Variants in SPATA31H1 observed in about 807,000 individuals in gnomAD.
The protein encoded by SPATA31H1 is SPATA31 subfamily H member 1, also known as spermatogenesis-associated protein 31H1.
At chr2:27,553,697 A>C in the SPATA31H1 span, among the ~76,000 whole-genome samples, 1 of 151,792 alleles carries the variant, frequency 6.6e-6, no homozygotes, top group African/African-American at 2.4e-5. Flanking sequence ...TGAGGCAGGC[A>C]GATCACCTGA....
chr2:27,563,385 C>CTTTTTTTTTTTTTTTTTTT, the SPATA31H1 span, among the ~76,000 whole-genome samples: 1 of 68,720 alleles, frequency 1.5e-5, no homozygotes, highest in African/African-American at 5.9e-5. Context: ...TCTTCTACTT[C>CTTTTTTTTTTTTTTTTTTT]TTTTTTTTTT....
At chr2:27,579,213 A>T in the SPATA31H1 span, 1 of 1,614,192 alleles carries the variant, frequency 6.2e-7, no homozygotes, top group South Asian at 1.1e-5. Flanking sequence ...TCATGCCTGG[A>T]GGCAGCGACT....
At chr2:27,578,815 C>T in the SPATA31H1 span, 11 of 1,614,116 alleles carry the variant, frequency 6.8e-6, no homozygotes, top group Non-Finnish European at 9.3e-6. Flanking sequence ...AGAACAGCAT[C>T]TGAATTAGGA....
the SPATA31H1 span, chr2:27,582,640 G>T: frequency 8.9e-7 from 1 of 1,117,326 alleles, no homozygotes; most frequent in Non-Finnish European, 1.3e-6. Context: ...GCGTGGAAAG[G>T]CTTCCATTTC....
the SPATA31H1 span, chr2:27,574,051 C>T: frequency 7.5e-6 from 3 of 398,216 alleles, no homozygotes; most frequent in African/African-American, 4.1e-5. Context: ...AAAGATATCC[C>T]ATATTATGAT....
the SPATA31H1 span, chr2:27,580,276 G>A: frequency 1.9e-6 from 3 of 1,614,156 alleles, no homozygotes; most frequent in Non-Finnish European, 2.5e-6. Flanking sequence ...ATCAGGCGAG[G>A]ACAACGCAGC....
the SPATA31H1 span, among the ~76,000 whole-genome samples, chr2:27,552,440 A>T: frequency 6.6e-6 from 1 of 152,000 alleles, no homozygotes; most frequent in Admixed American, 6.6e-5. Context: ...ATTTGATTTC[A>T]TAGATCTATA....
the SPATA31H1 span, among the ~76,000 whole-genome samples, chr2:27,560,804 A>AG: frequency 6.6e-6 from 1 of 152,180 alleles, no homozygotes; most frequent in Admixed American, 6.5e-5. Flanking sequence ...ACCATCAATC[A>AG]GTCCAGGACC....
the SPATA31H1 span, among the ~76,000 whole-genome samples, chr2:27,550,485 C>A: frequency 7.5e-6 from 1 of 133,416 alleles, no homozygotes; most frequent in Non-Finnish European, 1.5e-5. Flanking sequence ...GTGGTGCAAT[C>A]TCTGCTCACT....
At chr2:27,565,440 C>G in the SPATA31H1 span, 1 of 716,800 alleles carries the variant, frequency 1.4e-6, no homozygotes, top group South Asian at 1.5e-5. Flanking sequence ...AATTGTGGGT[C>G]AGCCTTATGA....
chr2:27,541,421 G>A, the SPATA31H1 span, among the ~76,000 whole-genome samples: 1 of 151,676 alleles, frequency 6.6e-6, no homozygotes, highest in African/African-American at 2.4e-5. Context: ...AGAGAGGGGA[G>A]AGGGGAGAGG....
At chr2:27,566,108 G>C in the SPATA31H1 span, 1 of 717,468 alleles carries the variant, frequency 1.4e-6, no homozygotes, top group Non-Finnish European at 2.6e-6. Flanking sequence ...GGTGAGTAAA[G>C]CCTGTCTTCA....
At chr2:27,540,761 G>A in the SPATA31H1 span, among the ~76,000 whole-genome samples, 1 of 99,642 alleles carries the variant, frequency 1.0e-5, no homozygotes, top group Non-Finnish European at 2.0e-5. Flanking sequence ...GGGCGGCGGG[G>A]CAGAGGTGCT....
At chr2:27,545,599 G>A in the SPATA31H1 span, among the ~76,000 whole-genome samples, 3 of 140,726 alleles carry the variant, frequency 2.1e-5, no homozygotes, top group South Asian at 4.4e-4. Context: ...TTTTTGAGAC[G>A]GAGTCTTGCT....
the SPATA31H1 span, chr2:27,577,718 A>C: frequency 6.2e-7 from 1 of 1,614,096 alleles, no homozygotes; most frequent in South Asian, 1.1e-5. This position sits in a 1 kb window ranked among gnomAD's most constrained non-coding sequence, Gnocchi z 4.5. Flanking sequence ...CCCCCAAACC[A>C]CAGCATCATG....
At chr2:27,572,149 A>G in the SPATA31H1 span, 1 of 398,386 alleles carries the variant, frequency 2.5e-6, no homozygotes, top group African/African-American at 2.1e-5. Context: ...CCAGAATCAA[A>G]TATGCAAGAT....
chr2:27,566,370 C>T, the SPATA31H1 span: 6 of 717,092 alleles, frequency 8.4e-6, no homozygotes, highest in Admixed American at 4.0e-5. Context: ...TCTTCCGATA[C>T]CTAGAAAGCG....
the SPATA31H1 span, chr2:27,576,039 G>A: frequency 2.5e-6 from 1 of 398,690 alleles, no homozygotes; most frequent in Admixed American, 4.4e-5. Context: ...TCTACGTGCA[G>A]CACCTATGGA....
the SPATA31H1 span, among the ~76,000 whole-genome samples, chr2:27,538,127 A>G: frequency 6.6e-6 from 1 of 152,208 alleles, no homozygotes; most frequent in African/African-American, 2.4e-5. Flanking sequence ...GAAAAGATTG[A>G]CAAGTTAACA....
Sources: allele counts gnomAD v4.1 joint callset (sites outside exome capture counted in the v4.1 genomes callset), GRCh38; gene constraint gnomAD v4.1.1; non-coding constraint Gnocchi (gnomAD v3.1); transcripts MANE v1.5; gene names NCBI Gene and HGNC (gene_info 2026-07-23, HGNC 2026-07-21).